NFIB: variants seen among roughly 807,000 people sequenced by gnomAD.
NFIB encodes the protein nuclear factor I B.
NFIB carries 11 observed loss-of-function variants against 61.5 expected under a neutral mutation model. The ratio of observed to expected loss-of-function variants is 0.18; its 90% CI spans 0.11 to 0.30. The LOEUF (loss-of-function observed/expected upper bound fraction) is 0.30, where lower values mean the gene tolerates loss of function less well. Ranked by LOEUF, NFIB falls within the 10% of genes least tolerant of loss-of-function variation. The pLI is 1.00. For missense variants in NFIB, 471 were observed against 608.9 expected (o/e 0.77, Z 2.38); for synonymous variants, 260 against 216.5 (o/e 1.20, Z -1.76).
intron 8 of NFIB, among the ~76,000 whole-genome samples, chr9:14,117,450 T>G (rs1284702126): frequency 4.6e-5 from 7 of 152,232 alleles, no homozygotes; most frequent in African/African-American, 1.4e-4. Flanking sequence ...GGGAGGCTAT[T>G]CTCGGCAAGT....
At chr9:14,491,508 G>C in the NFIB span, among the ~76,000 whole-genome samples, 1 of 152,194 alleles carries the variant, frequency 6.6e-6, no homozygotes, top group African/African-American at 2.4e-5. Flanking sequence ...GTAGAAGATA[G>C]GGCTGAGAGA....
chr9:14,335,170 T>C (rs1018045915), intron 1 of NFIB, among the ~76,000 whole-genome samples: 40 of 152,244 alleles, frequency 2.6e-4, no homozygotes, highest in Non-Finnish European at 1.2e-4. Context: ...GGACATGTAC[T>C]TTCAATTCTG....
chr9:14,377,681 G>A (rs1037702781), intron 1 of NFIB, among the ~76,000 whole-genome samples: 1 of 152,152 alleles, frequency 6.6e-6, no homozygotes, highest in African/African-American at 2.4e-5. Context: ...GCTTATAAAG[G>A]AAAATTTTAA....
intron 1 of NFIB, chr9:14,321,871 C>T: frequency 8.1e-7 from 1 of 1,230,890 alleles, no homozygotes; most frequent in Non-Finnish European, 1.0e-6. Context: ...AAAACTGTGC[C>T]AGGGATAGGA....
chr9:14,514,319 T>TACACACACAC, the NFIB span, among the ~76,000 whole-genome samples: 4 of 52,716 alleles, frequency 7.6e-5, no homozygotes, highest in African/African-American at 1.3e-4. Context: ...TACACATACA[T>TACACACACAC]ACATACATAC....
chr9:14,276,909 G>T (rs2058042367), intron 2 of NFIB, among the ~76,000 whole-genome samples: 1 of 151,370 alleles, frequency 6.6e-6, no homozygotes, highest in African/African-American at 2.4e-5. Context: ...CAGAAATCAG[G>T]CCACAAAAAA....
At chr9:14,511,589 A>T in the NFIB span, among the ~76,000 whole-genome samples, 2 of 152,180 alleles carry the variant, frequency 1.3e-5, no homozygotes, top group Non-Finnish European at 2.9e-5. Context: ...GAGAAGCTAA[A>T]AGGCTAGCCT....
chr9:14,471,952 A>G, the NFIB span, among the ~76,000 whole-genome samples: 1 of 152,154 alleles, frequency 6.6e-6, no homozygotes, highest in South Asian at 2.1e-4. Flanking sequence ...GCACCCCTCC[A>G]TTCTCTGCCT....
chr9:14,224,957 G>GA (rs1184694532), intron 2 of NFIB, among the ~76,000 whole-genome samples: 3 of 151,972 alleles, frequency 2.0e-5, no homozygotes, highest in Non-Finnish European at 4.4e-5. Flanking sequence ...CTTTCTTAGC[G>GA]AATTTCCAGT....
rs1482193233 is a variant in NFIB, at chr9:14,086,017, G to A, written c.*2292C>T. On this transcript the variant is annotated 3_prime_UTR_variant, in exon 11 of 11. Transcript: ENST00000380953. ...AGCCAAGTCTGCCTTTTTAAGCCAA[G>A]TCTGCCTCCAGGAGAATTTGTTGTG... 2 of 229,226 alleles carry A rather than the reference G, an allele frequency of 8.7e-6. No individual in the cohort carries two copies. The highest frequency in any genetic ancestry group is 1.2e-4 in the East Asian group (2 of 16,040). 14.2% of individuals were successfully genotyped at this position (229,226 alleles called of 1,614,324 possible). A position where few individuals can be genotyped will look rare whatever the true frequency, so the allele number is the denominator to read the frequency against.
chr9:14,236,539 G>C (rs1259753193), intron 2 of NFIB, among the ~76,000 whole-genome samples: 1 of 152,158 alleles, frequency 6.6e-6, no homozygotes, highest in African/African-American at 2.4e-5. Flanking sequence ...GAATTGTAGA[G>C]CCACTTAAGA....
intron 2 of NFIB, among the ~76,000 whole-genome samples, chr9:14,243,401 G>C (rs2054549779): frequency 6.6e-6 from 1 of 152,180 alleles, no homozygotes; most frequent in Non-Finnish European, 1.5e-5. Flanking sequence ...ATCTGGATAA[G>C]TAAGAGAAAT....
chr9:14,090,073 C>T (rs964181842), intron 10 of NFIB, among the ~76,000 whole-genome samples: 2 of 152,084 alleles, frequency 1.3e-5, no homozygotes, highest in African/African-American at 4.8e-5. Context: ...TCAAATCACA[C>T]CCAGCTATAT....
At chr9:14,175,718 C>G (rs2046114787) in intron 3 of NFIB, among the ~76,000 whole-genome samples, 1 of 152,144 alleles carries the variant, frequency 6.6e-6, no homozygotes, top group African/African-American at 2.4e-5. Context: ...AGGAAAGTAG[C>G]ATGTTAAGTC....
intron 4 of NFIB, among the ~76,000 whole-genome samples, chr9:14,151,195 T>A (rs1291379148): frequency 6.6e-6 from 1 of 152,140 alleles, no homozygotes; most frequent in Non-Finnish European, 1.5e-5. Context: ...GCCTAGTGTA[T>A]AACACGTGCT....
intron 3 of NFIB, among the ~76,000 whole-genome samples, chr9:14,156,423 T>C (rs1043779547): frequency 2.0e-5 from 3 of 152,218 alleles, no homozygotes; most frequent in Admixed American, 6.5e-5. Context: ...AACTTGTATA[T>C]ACAGCAAATA....
chr9:14,337,526 G>A (rs961628932), intron 1 of NFIB, among the ~76,000 whole-genome samples: 4 of 152,142 alleles, frequency 2.6e-5, no homozygotes, highest in Admixed American at 2.6e-4. Context: ...TTATTGCATT[G>A]GTGTTTACTC....
chr9:14,134,042 G>T (rs2040712900), intron 6 of NFIB, among the ~76,000 whole-genome samples: 1 of 152,268 alleles, frequency 6.6e-6, no homozygotes, highest in Non-Finnish European at 1.5e-5. Flanking sequence ...CCTGGCTCAT[G>T]GGGAGAAGAC....
At chr9:14,390,970 A>C (rs942750166) in intron 1 of NFIB, among the ~76,000 whole-genome samples, 3 of 152,242 alleles carry the variant, frequency 2.0e-5, no homozygotes, top group African/African-American at 7.2e-5. Context: ...ATACTGATAT[A>C]ACAAAATGAT....
Sources: gnomAD v4.1 joint callset for allele counts (sites outside exome capture counted in the v4.1 genomes callset) on GRCh38, gnomAD v4.1.1 for gene constraint, MANE v1.5 for transcripts, NCBI Gene and HGNC (gene_info 2026-07-23, HGNC 2026-07-21) for gene names.